GALNT17: variants seen among roughly 807,000 people sequenced by gnomAD.
GALNT17 encodes UDP-GalNAc:polypeptide N-acetylgalactosaminyltransferase-like 3.
Under a neutral mutation model 63.7 loss-of-function variants are expected in GALNT17, and 29 were observed. The observed-to-expected ratio is 0.46, with a 90% CI of 0.34 to 0.62. GALNT17 has a LOEUF of 0.62. GALNT17 is among the 20% of genes least tolerant of loss of function. The probability of loss-of-function intolerance (pLI) is 0.01; values close to 1 mark genes in which losing one functional copy is unlikely to be tolerated. For missense variants in GALNT17, 603 were observed against 799.6 expected, an observed-to-expected ratio of 0.75 and a Z score of 2.97; for synonymous variants, 305 against 318.3, an observed-to-expected ratio of 0.96 and a Z score of 0.45.
intron 5 of GALNT17, among the ~76,000 whole-genome samples, chr7:71,548,407 A>T (rs1255008404): frequency 6.6e-6 from 1 of 152,186 alleles, no homozygotes; most frequent in South Asian, 2.1e-4. Context: ...CCTTGTGGCC[A>T]TGGGCCACAC....
intron 5 of GALNT17, among the ~76,000 whole-genome samples, chr7:71,464,863 GC>G (rs1346755815): frequency 2.0e-5 from 3 of 147,326 alleles, no homozygotes; most frequent in Non-Finnish European, 3.0e-5. Context: ...AGTTACAATT[GC>G]AGCTGAGTTC....
chr7:71,589,406 G>A (rs565012149), intron 6 of GALNT17, among the ~76,000 whole-genome samples: 23 of 152,032 alleles, frequency 1.5e-4, no homozygotes, highest in African/African-American at 5.3e-4. Flanking sequence ...AGGGAGACCC[G>A]TCTCTACAAA....
chr7:71,132,716 T>G lies in GALNT17; in HGVS notation c.-87T>G. 1 of 1,154,794 alleles carries G rather than the reference T, an allele frequency of 8.7e-7. No homozygotes were observed. Among genetic ancestry groups the G allele is most frequent in the Non-Finnish European group, 1.2e-6 (1 of 826,108 alleles). The allele number at this position is 1,154,794 out of a possible 1,614,324, so 71.5% of individuals were successfully genotyped here. A position where few individuals can be genotyped will look rare whatever the true frequency, so the allele number is the denominator to read the frequency against. ...GGATCCCTGCCGGCCGTCTGGTGTG[T>G]GAGGCTTGCACGGCCCCTGGCTGCC... On this transcript the variant is annotated 5_prime_UTR_variant, in exon 1 of 11. Transcript: ENST00000333538.
chr7:71,408,787 C>T (rs1430511202), intron 3 of GALNT17, among the ~76,000 whole-genome samples: 3 of 151,956 alleles, frequency 2.0e-5, no homozygotes, highest in East Asian at 1.9e-4. Flanking sequence ...GCAGGAGGAT[C>T]GCTTGAGCTC....
chr7:71,535,655 T>C (rs1788791587), intron 5 of GALNT17, among the ~76,000 whole-genome samples: 1 of 152,222 alleles, frequency 6.6e-6, no homozygotes, highest in African/African-American at 2.4e-5. Context: ...CCCTCTAACA[T>C]ATGGCCTGAT....
At chr7:71,614,472 T>C (rs1479291758) in intron 6 of GALNT17, among the ~76,000 whole-genome samples, 1 of 152,122 alleles carries the variant, frequency 6.6e-6, no homozygotes, top group Non-Finnish European at 1.5e-5. Flanking sequence ...CTACAAAAAA[T>C]TAGCCAAGCA....
chr7:71,698,100 G>A (rs914560851), intron 9 of GALNT17, among the ~76,000 whole-genome samples: 28 of 140,410 alleles, frequency 2.0e-4, no homozygotes, highest in Non-Finnish European at 2.4e-4. Context: ...TCCAGCCTGC[G>A]CGACAAGAGC....
intron 1 of GALNT17, among the ~76,000 whole-genome samples, chr7:71,232,108 A>C (rs1287397773): frequency 6.6e-6 from 1 of 152,108 alleles, no homozygotes. Flanking sequence ...GAACATGGGG[A>C]GATTCAGGGA....
chr7:71,376,303 A>G (rs1438780674), intron 2 of GALNT17, among the ~76,000 whole-genome samples: 1 of 150,526 alleles, frequency 6.6e-6, no homozygotes, highest in Non-Finnish European at 1.5e-5. Context: ...TTTCCTGTGC[A>G]TGCACAGGAG....
At chr7:71,329,373 G>C (rs1791761764) in intron 1 of GALNT17, among the ~76,000 whole-genome samples, 1 of 152,106 alleles carries the variant, frequency 6.6e-6, no homozygotes. Context: ...TGCAGTATTG[G>C]ACACATTATA....
intron 5 of GALNT17, among the ~76,000 whole-genome samples, chr7:71,495,542 A>T (rs1211721388): frequency 1.3e-5 from 2 of 152,120 alleles, no homozygotes; most frequent in Non-Finnish European, 2.9e-5. Flanking sequence ...GAAAGAGGTT[A>T]AGATAGCATG....
At chr7:71,446,866 C>A (rs904135272) in intron 5 of GALNT17, among the ~76,000 whole-genome samples, 2 of 152,152 alleles carry the variant, frequency 1.3e-5, no homozygotes, top group African/African-American at 4.8e-5. Flanking sequence ...TTTAAATATG[C>A]CTTTTGTTTA....
intron 6 of GALNT17, among the ~76,000 whole-genome samples, chr7:71,610,723 G>A (rs1054861501): frequency 2.0e-5 from 3 of 151,840 alleles, no homozygotes; most frequent in Non-Finnish European, 2.9e-5. Flanking sequence ...GGCATGATGC[G>A]GTGGCTCATG....
At chr7:71,687,254 A>G (rs1791373460) in intron 9 of GALNT17, among the ~76,000 whole-genome samples, 1 of 152,170 alleles carries the variant, frequency 6.6e-6, no homozygotes, top group South Asian at 2.1e-4. Context: ...ATTAAATTCA[A>G]TCTGATCTTG....
At chr7:71,155,082 C>G (rs1007881280) in intron 1 of GALNT17, among the ~76,000 whole-genome samples, 7 of 151,608 alleles carry the variant, frequency 4.6e-5, no homozygotes, top group African/African-American at 1.7e-4. Context: ...TGACAGTTGT[C>G]CTAAACCACC....
intron 1 of GALNT17, among the ~76,000 whole-genome samples, chr7:71,168,017 T>C (rs1190550905): frequency 6.6e-6 from 1 of 152,256 alleles, no homozygotes; most frequent in Non-Finnish European, 1.5e-5. Context: ...ATAACTGTGA[T>C]CTATTTTCGT....
chr7:71,153,271 G>A (rs940294737), intron 1 of GALNT17, among the ~76,000 whole-genome samples: 13 of 152,162 alleles, frequency 8.5e-5, no homozygotes, highest in African/African-American at 2.9e-4. Flanking sequence ...TGATAAGGAC[G>A]GTGTAAGGTG....
At chr7:71,238,955 T>C (rs953611511) in intron 1 of GALNT17, among the ~76,000 whole-genome samples, 4 of 152,126 alleles carry the variant, frequency 2.6e-5, no homozygotes, top group African/African-American at 9.7e-5. Context: ...TGAGGTCCCC[T>C]TGTAGATAAG....
intron 6 of GALNT17, among the ~76,000 whole-genome samples, chr7:71,625,964 G>GGCT (rs1460037342): frequency 6.6e-6 from 1 of 151,978 alleles, no homozygotes; most frequent in Non-Finnish European, 1.5e-5. Flanking sequence ...AAGGGATTAG[G>GGCT]GCTGGGTGCA....
Sources: gnomAD v4.1 joint callset for allele counts (sites outside exome capture counted in the v4.1 genomes callset) on GRCh38, gnomAD v4.1.1 for gene constraint, MANE v1.5 for transcripts, NCBI Gene and HGNC (gene_info 2026-07-23, HGNC 2026-07-21) for gene names.